The following OR2C1 variants were observed in gnomAD, a reference collection of about 807,000 sequenced individuals.
The protein encoded by OR2C1 is olfactory receptor family 2 subfamily C member 1.
For synonymous variants in OR2C1, 209 were observed against 167.3 expected (o/e 1.25, Z -1.92); for missense variants, 468 against 388.3 (o/e 1.21, Z -1.73).
At chr16:3,346,825 T>TTTCA in the OR2C1 span, among the ~76,000 whole-genome samples, 1 of 151,046 alleles carries the variant, frequency 6.6e-6, no homozygotes, top group Non-Finnish European at 1.5e-5. Context: ...AGAGACAAGG[T>TTTCA]TTCATCATGT....
chr16:3,333,990 G>A, the OR2C1 span, among the ~76,000 whole-genome samples: 2 of 151,638 alleles, frequency 1.3e-5, no homozygotes, highest in Non-Finnish European at 2.9e-5. Flanking sequence ...GGGGTGGTGG[G>A]GGGACAGGGT....
chr16:3,326,150 T>C, the OR2C1 span, among the ~76,000 whole-genome samples: 1 of 151,888 alleles, frequency 6.6e-6, no homozygotes, highest in Non-Finnish European at 1.5e-5. Flanking sequence ...AGGCTGGTCT[T>C]AAACTCCAGA....
At chr16:3,327,332 C>T in the OR2C1 span, among the ~76,000 whole-genome samples, 1 of 152,000 alleles carries the variant, frequency 6.6e-6, no homozygotes, top group Non-Finnish European at 1.5e-5. Flanking sequence ...TTAAATAGTT[C>T]AGTTTGTAAG....
At chr16:3,354,254 G>T (rs2030624190), upstream of OR2C1, among the ~76,000 whole-genome samples, 3 of 152,068 alleles carry the variant, frequency 2.0e-5, no homozygotes, top group South Asian at 6.2e-4. Flanking sequence ...CAAAGTGTTG[G>T]GATTACAGGC....
the OR2C1 span, among the ~76,000 whole-genome samples, chr16:3,333,622 A>C: frequency 3.3e-5 from 5 of 152,298 alleles, no homozygotes; most frequent in Non-Finnish European, 5.9e-5. Context: ...GGCGTGGGCC[A>C]CTGTGCCCAG....
chr16:3,333,628 C>T, the OR2C1 span, among the ~76,000 whole-genome samples: 2 of 152,276 alleles, frequency 1.3e-5, no homozygotes, highest in African/African-American at 4.8e-5. Flanking sequence ...GGCCACTGTG[C>T]CCAGCCAAGT....
chr16:3,329,100 G>A, the OR2C1 span, among the ~76,000 whole-genome samples: 3 of 145,400 alleles, frequency 2.1e-5, no homozygotes, highest in Non-Finnish European at 4.5e-5. Context: ...AGTCAAATAA[G>A]GAATCAGTAA....
the OR2C1 span, chr16:3,323,522 T>C: frequency 1.3e-6 from 1 of 746,944 alleles, no homozygotes; most frequent in Non-Finnish European, 2.4e-6. Context: ...CACATAAGGT[T>C]CCACTATACG....
the OR2C1 span, among the ~76,000 whole-genome samples, chr16:3,333,019 T>C: frequency 6.6e-6 from 1 of 152,062 alleles, no homozygotes; most frequent in Non-Finnish European, 1.5e-5. Flanking sequence ...TTCACCTTTC[T>C]CCACATCCTC....
chr16:3,344,470 G>A, the OR2C1 span, among the ~76,000 whole-genome samples: 312 of 152,266 alleles, frequency 2.0e-3, no homozygotes, highest in African/African-American at 6.9e-3. Context: ...GCTCACGCCC[G>A]TAATCCCAGC....
At chr16:3,357,664 G>A (rs780734747), downstream of OR2C1, among the ~76,000 whole-genome samples, 3 of 152,134 alleles carry the variant, frequency 2.0e-5, no homozygotes, top group Non-Finnish European at 2.9e-5. Flanking sequence ...GTGATCTACC[G>A]CACCTGGCCT....
the OR2C1 span, among the ~76,000 whole-genome samples, chr16:3,326,391 A>G: frequency 4.6e-5 from 7 of 152,234 alleles, no homozygotes; most frequent in Non-Finnish European, 8.8e-5. Flanking sequence ...CACTGCCTTA[A>G]GGAAATCTTC....
upstream of OR2C1, among the ~76,000 whole-genome samples, chr16:3,351,034 C>CAA (rs1172796202): frequency 4.6e-4 from 23 of 49,492 alleles, no homozygotes; most frequent in African/African-American, 1.0e-3. Context: ...GACCCTGACT[C>CAA]AAAAAAAAAA....
At chr16:3,329,261 T>C in the OR2C1 span, among the ~76,000 whole-genome samples, 1 of 150,072 alleles carries the variant, frequency 6.7e-6, no homozygotes, top group Admixed American at 6.7e-5. Context: ...TCTGCCTGCA[T>C]TTGTGTGAGA....
chr16:3,347,986 C>T, the OR2C1 span, among the ~76,000 whole-genome samples: 3 of 152,130 alleles, frequency 2.0e-5, no homozygotes, highest in South Asian at 2.1e-4. Flanking sequence ...ATGATAGATG[C>T]ATATTTAGCA....
chr16:3,345,075 T>A, the OR2C1 span, among the ~76,000 whole-genome samples: 3 of 152,116 alleles, frequency 2.0e-5, no homozygotes, highest in Non-Finnish European at 4.4e-5. Flanking sequence ...GATAGATGCA[T>A]ATCAATCATT....
At position 3,356,249 on chromosome 16, in the gene OR2C1, C is replaced by A. The variant is rs373844589; in HGVS notation, c.309C>A (p.Val103=). 2 of 1,614,074 alleles carry A rather than the reference C, an allele frequency of 1.2e-6. No homozygotes were observed. Among genetic ancestry groups the A allele is most frequent in the Non-Finnish European group, 1.7e-6 (2 of 1,180,032 alleles). Residue 103 remains valine, a synonymous_variant, in exon 1 of 1, where the codon GTC becomes GTA. Coordinates refer to ENST00000304936, the MANE Select transcript of OR2C1 (RefSeq NM_012368.3). ...GTGGCTGCATAACCCAGCTCTATGTCTTCCTTTGGCTGGGGGCCACCGAGT... is the reference window on the plus strand; with the variant it reads ...GTGGCTGCATAACCCAGCTCTATGTATTCCTTTGGCTGGGGGCCACCGAGT... ...SYGGCITQLY[V]FLWLGATECI...
At chr16:3,333,986 GT>G in the OR2C1 span, among the ~76,000 whole-genome samples, 285 of 146,658 alleles carry the variant, frequency 1.9e-3, no homozygotes, top group Non-Finnish European at 3.2e-3. Context: ...TTTTGGGGTG[GT>G]GGGGGGACAG....
chr16:3,323,960 G>C, the OR2C1 span: 1 of 638,134 alleles, frequency 1.6e-6, no homozygotes, highest in South Asian at 2.2e-5. Context: ...CCTTACTGTT[G>C]AATTTTTAAA....
Sources: gnomAD v4.1 joint callset for allele counts (sites outside exome capture counted in the v4.1 genomes callset) on GRCh38, gnomAD v4.1.1 for gene constraint, MANE v1.5 for transcripts, NCBI Gene and HGNC (gene_info 2026-07-23, HGNC 2026-07-21) for gene names.